IL12B: variants seen among roughly 807,000 people sequenced by gnomAD.
IL12B encodes interleukin-12 subunit beta.
A neutral mutation model predicts 39.2 loss-of-function variants in IL12B; 27 were observed. That is an observed-to-expected ratio of 0.69 (90% CI 0.51 to 0.95). IL12B has a LOEUF of 0.95. IL12B is among the 40% of genes least tolerant of loss of function. The pLI is 0.00. For missense variants in IL12B, 351 were observed against 397.6 expected (o/e 0.88, Z 1.00); for synonymous variants, 142 against 152.1 (o/e 0.93, Z 0.49).
intron 2 of IL12B, among the ~76,000 whole-genome samples, chr5:159,325,313 C>A (rs1200496976): frequency 6.6e-6 from 1 of 152,158 alleles, no homozygotes; most frequent in Non-Finnish European, 1.5e-5. Flanking sequence ...CTGGCTCAGG[C>A]CTTTGCCTTT....
intron 5 of IL12B, among the ~76,000 whole-genome samples, chr5:159,319,488 A>T (rs539940322): frequency 6.6e-6 from 1 of 152,026 alleles, no homozygotes; most frequent in South Asian, 2.1e-4. Flanking sequence ...TTTCACAAAG[A>T]CTCCTTCCTC....
intron 2 of IL12B, among the ~76,000 whole-genome samples, chr5:159,326,362 T>C (rs962378439): frequency 6.6e-6 from 1 of 152,260 alleles, no homozygotes; most frequent in Non-Finnish European, 1.5e-5. Context: ...TGTTATACTT[T>C]GCAAATCCTC....
chr5:159,323,785 C>T lies in IL12B; in HGVS notation c.89-456G>A, dbSNP rs1451009046. Among the ~76,000 whole-genome samples the T allele has an allele frequency of 2.0e-5, 3 of 152,054 alleles. No homozygotes were observed. In the East Asian group the frequency reaches 5.8e-4, roughly 29 times the overall value. On this transcript the variant is annotated intron_variant, in intron 2 of 7. Coordinates refer to ENST00000231228, the MANE Select transcript of IL12B (RefSeq NM_002187.3). ...ACGAACCAAGACTGTCATCCTGTCT[C>T]CACTAACCAGCTGGGGGATTTGGAA...
Position 159,320,395 on chromosome 5 carries a change from T to C in IL12B, c.608A>G (p.Glu203Gly). 1 of 1,614,170 alleles carries C rather than the reference T, an allele frequency of 6.2e-7. No individual in the cohort carries two copies. Among genetic ancestry groups the C allele is most frequent in the Non-Finnish European group, 8.5e-7 (1 of 1,180,008 alleles). ...CQEDSACPAA[E>G]ESLPIEVMVD... The stretch of plus-strand genomic sequence containing the variant: ...CATGACCTCAATGGGCAGACTCTCC[T>C]CAGCAGCTGGGCAGGCACTGTCCTC... Residue 203 changes from glutamate (E) to glycine (G), a missense_variant, in exon 5 of 8, where the codon GAG becomes GGG. Glu to Gly is a moderately conservative substitution (Grantham distance 98). Coordinates refer to ENST00000231228, the MANE Select transcript of IL12B (RefSeq NM_002187.3).
In IL12B at chr5:159,326,787, AAG is replaced by A. The variant is rs1754198500; in HGVS notation, c.1-7_1-6del. The A allele has an allele frequency of 1.3e-6, 2 of 1,576,508 alleles. No individual in the cohort carries two copies. Among genetic ancestry groups the A allele is most frequent in the African/African-American group, 1.3e-5 (1 of 74,286 alleles). ...GACCAACTGCTGGTGACACATCTATAAGAAGGGAGAGAAGCAGGGGGAAGAGA... is the reference window on the plus strand; with the variant it reads ...GACCAACTGCTGGTGACACATCTATAAAGGGAGAGAAGCAGGGGGAAGAGA... On this transcript the variant is annotated splice_region_variant and splice_polypyrimidine_tract_variant and intron_variant, in intron 1 of 7. Transcript: ENST00000231228.
rs1250620300 is a variant in IL12B, at chr5:159,320,428, T to C, written c.575A>G (p.Glu192Gly). ...TGGGCAGGCACTGTCCTCCTGGCACTCCACTGAGTACTCATACTCCTTGTT... is the reference window on the plus strand; with the variant it reads ...TGGGCAGGCACTGTCCTCCTGGCACCCCACTGAGTACTCATACTCCTTGTT... The part of the protein sequence containing the change: ...GDNKEYEYSV[E>G]CQEDSACPAA... The change falls in exon 5 of 8, where the codon GAG (glutamate) becomes GGG (glycine). Residue 192 changes from glutamate (E) to glycine (G), a missense_variant. Coordinates refer to ENST00000231228, the MANE Select transcript of IL12B (RefSeq NM_002187.3). The C allele has an allele frequency of 6.2e-7, 1 of 1,614,076 alleles. No homozygotes were observed. Among genetic ancestry groups the C allele is most frequent in the Non-Finnish European group, 8.5e-7 (1 of 1,179,940 alleles).
rs1754138609 is a variant in IL12B at position 159,323,604 on chromosome 5, C to T, written c.89-275G>A. Among the ~76,000 whole-genome samples the T allele has an allele frequency of 1.3e-5, 2 of 152,138 alleles. 1 individual carries two copies. Among genetic ancestry groups the T allele is most frequent in the Admixed American group, 1.3e-4 (2 of 15,264 alleles). On this transcript the variant is annotated intron_variant, in intron 2 of 7. Coordinates refer to ENST00000231228, the MANE Select transcript of IL12B (RefSeq NM_002187.3). ...TTGATTATTTAGCAGATTGGAAACA[C>T]CTTAATATACCAAAAACTGCAAACA...
chr5:159,319,583 G>T (rs1754051223), intron 5 of IL12B, among the ~76,000 whole-genome samples: 2 of 152,206 alleles, frequency 1.3e-5, no homozygotes, highest in Admixed American at 1.3e-4. Context: ...TCCACACAAA[G>T]ATCACGGCTC....
intron 5 of IL12B, among the ~76,000 whole-genome samples, chr5:159,320,103 G>C (rs111411717): frequency 2.0e-5 from 3 of 152,122 alleles, no homozygotes; most frequent in African/African-American, 7.2e-5. Flanking sequence ...CTGAGATCTG[G>C]GGCAAGTTGC....
intron 4 of IL12B, 125 bp from the exon 5 acceptor site, chr5:159,320,645 ATTTCTACCCAGAGGGT>A (rs1754071533): frequency 1.4e-5 from 11 of 798,242 alleles, no homozygotes; most frequent in Admixed American, 8.1e-5. Flanking sequence ...AACTGGGCTG[ATTTCTACCCAGAGGGT>A]AAGAAACTGC....
intron 2 of IL12B, among the ~76,000 whole-genome samples, chr5:159,326,185 A>G (rs1754185031): frequency 1.3e-5 from 2 of 152,308 alleles, no homozygotes; most frequent in Non-Finnish European, 2.9e-5. Context: ...ATTAGAGGTG[A>G]CCCAGCTTAA....
chr5:159,321,398 C>A (rs1461964689), intron 4 of IL12B, among the ~76,000 whole-genome samples: 1 of 151,078 alleles, frequency 6.6e-6, no homozygotes, highest in African/African-American at 2.4e-5. Context: ...TATGTATACA[C>A]ACATTATATA....
Position 159,321,347 on chromosome 5 carries a change from TTATA to T in IL12B, c.483-831_483-828del, listed in dbSNP as rs530647543. Among the ~76,000 whole-genome samples, 121 of 146,418 alleles carry T rather than the reference TTATA, an allele frequency of 8.3e-4. No homozygotes were observed. In the Middle Eastern group the frequency reaches 0.011, roughly 13 times the overall value. On this transcript the variant is annotated intron_variant, in intron 4 of 7. Coordinates refer to ENST00000231228, the MANE Select transcript of IL12B (RefSeq NM_002187.3). ...TATTCAAGATAATTGTATACACATT[TTATA>T]TATATATATATATATACACACACAC... is the stretch of plus-strand genomic sequence containing the variant.
chr5:159,326,261 T>C (rs1361257359), intron 2 of IL12B, among the ~76,000 whole-genome samples: 1 of 152,190 alleles, frequency 6.6e-6, no homozygotes, highest in African/African-American at 2.4e-5. Flanking sequence ...CTGAATCCTA[T>C]GCTTCCTCCA....
At position 159,323,304 on chromosome 5, in the gene IL12B, A is replaced by C; in HGVS notation, c.114T>G (p.Tyr38Ter). The C allele has an allele frequency of 6.2e-7, 1 of 1,614,160 alleles. No individual in the cohort carries two copies. The highest frequency in any genetic ancestry group is 8.5e-7 in the Non-Finnish European group (1 of 1,180,004). Residue 38 changes from tyrosine to a stop codon, truncating the protein, a stop_gained, in exon 3 of 8, where the codon TAT (tyrosine) becomes TAG (stop). Coordinates refer to ENST00000231228, the MANE Select transcript of IL12B (RefSeq NM_002187.3). LOFTEE classifies it high-confidence loss of function. Reference sequence around the variant, plus strand: ...CCACCATTTCTCCAGGGGCATCCGGATACCAATCCAATTCTACGACATAAA... The same window carrying C: ...CCACCATTTCTCCAGGGGCATCCGGCTACCAATCCAATTCTACGACATAAA... ...KDVYVVELDW[Y>*]PDAPGEMVVL...
intron 1 of IL12B, among the ~76,000 whole-genome samples, chr5:159,328,828 T>A (rs1754232315): frequency 6.6e-6 from 1 of 152,130 alleles, no homozygotes; most frequent in African/African-American, 2.4e-5. Context: ...CCGGCCATGG[T>A]TCTAAGAAGC....
chr5:159,321,251 T>C (rs983634318), intron 4 of IL12B, among the ~76,000 whole-genome samples: 12 of 151,842 alleles, frequency 7.9e-5, no homozygotes, highest in Non-Finnish European at 1.3e-4. Flanking sequence ...GCAATCATTC[T>C]GTCTCAGCCT....
chr5:159,327,212 GA>G (rs1338376602), intron 1 of IL12B, among the ~76,000 whole-genome samples: 4 of 151,884 alleles, frequency 2.6e-5, no homozygotes, highest in African/African-American at 9.7e-5. Flanking sequence ...AGTTGAGAGA[GA>G]AAAAAAGGGC....
intron 2 of IL12B, among the ~76,000 whole-genome samples, chr5:159,326,430 GTCATATGTCTTTCCCCACCATATCATATA>G (rs1260276056): frequency 1.1e-4 from 16 of 152,304 alleles, no homozygotes; most frequent in African/African-American, 3.6e-4. Flanking sequence ...AATATCATAT[GTCATATGTCTTTCCCCACCATATCATATA>G]TCATATGTCT....
Sources: gnomAD v4.1 joint callset for allele counts (sites outside exome capture counted in the v4.1 genomes callset) on GRCh38, gnomAD v4.1.1 for gene constraint, MANE v1.5 for transcripts, NCBI Gene and HGNC (gene_info 2026-07-23, HGNC 2026-07-21) for gene names.